NT5C3A: variants seen among roughly 807,000 people sequenced by gnomAD.
The protein encoded by NT5C3A is cytosolic 5'-nucleotidase 3A.
Under a neutral mutation model 40.0 loss-of-function variants are expected in NT5C3A, and 23 were observed. That is an observed-to-expected ratio of 0.58 (90% CI 0.41 to 0.81). The LOEUF is 0.81. NT5C3A is among the 40% of genes least tolerant of loss of function. The pLI is 0.00. For synonymous variants in NT5C3A, 130 were observed against 141.4 expected (o/e 0.92, Z 0.57); for missense variants, 328 against 403.0 (o/e 0.81, Z 1.59).
At chr7:33,028,571 T>C (rs1054713456) in intron 1 of NT5C3A, among the ~76,000 whole-genome samples, 1 of 152,210 alleles carries the variant, frequency 6.6e-6, no homozygotes, top group Non-Finnish European at 1.5e-5. Context: ...ATGTTATTAG[T>C]AATATTAACA....
chr7:33,018,525 T>A (rs1785459755), intron 6 of NT5C3A, among the ~76,000 whole-genome samples: 1 of 152,130 alleles, frequency 6.6e-6, no homozygotes, highest in South Asian at 2.1e-4. Context: ...GCCTAATGAG[T>A]TGAAAATTTT....
intron 1 of NT5C3A, 23 bp downstream of exon 1, chr7:33,062,545 G>A (rs759410073): frequency 1.7e-5 from 27 of 1,603,356 alleles, no homozygotes; most frequent in Non-Finnish European, 1.9e-5. Context: ...CGTGCTCTGG[G>A]CGCGCCGAGC....
intron 1 of NT5C3A, among the ~76,000 whole-genome samples, chr7:33,059,127 A>G (rs528890965): frequency 6.6e-6 from 1 of 152,232 alleles, no homozygotes; most frequent in Non-Finnish European, 1.5e-5. Flanking sequence ...ACTATGGATG[A>G]GAAATAATAT....
intron 1 of NT5C3A, among the ~76,000 whole-genome samples, chr7:33,044,310 C>G (rs1314882473): frequency 6.6e-6 from 1 of 152,014 alleles, no homozygotes; most frequent in Non-Finnish European, 1.5e-5. Context: ...AAATATGCCA[C>G]AAGAAAGGAA....
chr7:33,055,015 T>C (rs1446348092), intron 1 of NT5C3A, among the ~76,000 whole-genome samples: 1 of 152,146 alleles, frequency 6.6e-6, no homozygotes, highest in Non-Finnish European at 1.5e-5. Flanking sequence ...GAATATATCT[T>C]TACTCGGGGT....
chr7:33,035,200 T>TG lies in NT5C3A; in HGVS notation c.139-8286_139-8285insC, dbSNP rs1430487851. On this transcript the variant is annotated intron_variant, in intron 1 of 8. Transcript: ENST00000610140. ...CTAATAAGGAATGAGTTTTTTTTTTTTTTTTTTTTTTGAGACGGAATCTCG... is the reference window on the plus strand; with the variant it reads ...CTAATAAGGAATGAGTTTTTTTTTTTGTTTTTTTTTTTGAGACGGAATCTCG... 2.2e-3 allele frequency among the ~76,000 whole-genome samples: 328 copies of TG among 147,068 alleles called. 2 individuals are homozygous for TG. Among genetic ancestry groups the TG allele is most frequent in the African/African-American group, 7.6e-3 (305 of 39,882 alleles).
intron 1 of NT5C3A, among the ~76,000 whole-genome samples, chr7:33,049,353 G>A (rs1249399975): frequency 6.6e-6 from 1 of 151,916 alleles, no homozygotes; most frequent in Non-Finnish European, 1.5e-5. Context: ...CTTGTCCAAG[G>A]ATAAACCATT....
At chr7:33,033,926 T>C (rs4565371) in intron 1 of NT5C3A, among the ~76,000 whole-genome samples, 112,032 of 147,170 alleles carry the variant, frequency 0.76, 43,083 homozygotes, top group African/African-American at 0.86. Flanking sequence ...GAGTCTCGCA[T>C]TGTCGCCCAG....
chr7:33,042,836 A>G (rs916920884), intron 1 of NT5C3A, among the ~76,000 whole-genome samples: 5 of 152,358 alleles, frequency 3.3e-5, no homozygotes, highest in East Asian at 3.9e-4. Context: ...AATTTGTTTT[A>G]TAATTCTGGG....
rs1486287184 is a variant in NT5C3A, at chr7:33,062,613, G to A, written c.93C>T (p.Phe31=). 1.9e-6 allele frequency: 3 copies of A among 1,609,216 alleles called. No individual in the cohort carries two copies. The highest frequency in any genetic ancestry group is 1.3e-5 in the African/African-American group (1 of 74,702). ...VAGVVLAQYI[F]TLKRKTGRKT... ...TCCGCCCCGTCTTCCTCTTCAAGGTGAATATGTACTGAGCCAGCACCACCC... is the reference window on the plus strand; with the variant it reads ...TCCGCCCCGTCTTCCTCTTCAAGGTAAATATGTACTGAGCCAGCACCACCC... Residue 31 remains phenylalanine (F), a synonymous_variant, in exon 1 of 9, where the codon TTC becomes TTT. Transcript: ENST00000610140.
intron 8 of NT5C3A, 29 bp downstream of exon 8, chr7:33,015,641 C>T (rs773730853): frequency 6.3e-6 from 9 of 1,434,620 alleles, no homozygotes; most frequent in South Asian, 1.2e-5. Flanking sequence ...ATATTTTCTT[C>T]GAAAAAAATT....
chr7:33,041,729 C>CATGAAGAAAAAAA (rs1169694054), intron 1 of NT5C3A, among the ~76,000 whole-genome samples: 1 of 151,660 alleles, frequency 6.6e-6, no homozygotes, highest in African/African-American at 2.4e-5. Context: ...GTCCAACTGT[C>CATGAAGAAAAAAA]ATGAAGAAAA....
intron 1 of NT5C3A, among the ~76,000 whole-genome samples, chr7:33,032,018 T>C (rs1481399530): frequency 1.3e-5 from 2 of 151,524 alleles, no homozygotes; most frequent in East Asian, 3.9e-4. Flanking sequence ...CCAGCTACTC[T>C]GGAGGGTGAG....
At chr7:33,035,800 G>A (rs1331746053) in intron 1 of NT5C3A, 4 of 757,088 alleles carry the variant, frequency 5.3e-6, no homozygotes, top group East Asian at 2.5e-5. Context: ...AAGTATTTGA[G>A]GTTTATTTTG....
At chr7:33,058,278 T>C (rs906764470) in intron 1 of NT5C3A, among the ~76,000 whole-genome samples, 2 of 152,160 alleles carry the variant, frequency 1.3e-5, no homozygotes, top group Non-Finnish European at 2.9e-5. Context: ...TAAGATGTAA[T>C]ATAATGAGAA....
chr7:33,020,869 A>G (rs1158110186), intron 5 of NT5C3A, among the ~76,000 whole-genome samples: 2 of 150,922 alleles, frequency 1.3e-5, no homozygotes, highest in Non-Finnish European at 1.5e-5. Context: ...TGCCTGGAAC[A>G]CTGCATTTTG....
At chr7:33,041,732 G>A (rs1424443291) in intron 1 of NT5C3A, among the ~76,000 whole-genome samples, 1 of 151,872 alleles carries the variant, frequency 6.6e-6, no homozygotes, top group African/African-American at 2.4e-5. Flanking sequence ...CAACTGTCAT[G>A]AAGAAAAAAA....
At chr7:33,020,408 C>T (rs1785561520) in intron 5 of NT5C3A, among the ~76,000 whole-genome samples, 1 of 152,208 alleles carries the variant, frequency 6.6e-6, no homozygotes, top group Non-Finnish European at 1.5e-5. Flanking sequence ...TAAGCTCATT[C>T]TCCCAGGGAA....
chr7:33,062,737 A>C lies in NT5C3A; in HGVS notation c.-32T>G. ...GGCCCTCATGCGCGTCCAAGCAGGA[A>C]AAAAACAGGCAGCTCGCGTAGACTG... On this transcript the variant is annotated 5_prime_UTR_variant, in exon 1 of 9. Transcript: ENST00000610140. The C allele has an allele frequency of 6.4e-7, 1 of 1,551,052 alleles. No homozygotes were observed.
Sources: allele counts gnomAD v4.1 joint callset (sites outside exome capture counted in the v4.1 genomes callset), GRCh38; gene constraint gnomAD v4.1.1; transcripts MANE v1.5; gene names NCBI Gene and HGNC (gene_info 2026-07-23, HGNC 2026-07-21).